Variants in PDC observed in about 807,000 individuals in gnomAD.
The protein encoded by PDC is 33 kDa phototransducing protein.
Under a neutral mutation model 22.2 loss-of-function variants are expected in PDC, and 19 were observed. The ratio of observed to expected loss-of-function variants is 0.86; its 90% CI spans 0.60 to 1.26. The LOEUF (loss-of-function observed/expected upper bound fraction) is 1.26, where lower values mean the gene tolerates loss of function less well. Ranked by LOEUF, PDC falls within the 50% of genes most tolerant of loss-of-function variation. PDC has a pLI of 0.00. For missense variants in PDC, 274 were observed against 286.8 expected (o/e 0.96, Z 0.32); for synonymous variants, 97 against 96.2 (o/e 1.01, Z -0.05).
At position 186,450,710 on chromosome 1, in the gene PDC, G is replaced by A. The variant is rs550756146; in HGVS notation, c.-24-1227C>T. On this transcript the variant is annotated intron_variant, in intron 1 of 3. Transcript: ENST00000391997. ...ATTTTTATTCATACGAAACTCCTTG[G>A]TGCCCGCATGTAGAATCTATTCTTT... Among the ~76,000 whole-genome samples, 3 of 152,076 alleles carry A rather than the reference G, an allele frequency of 2.0e-5. No individual in the cohort carries two copies. In the South Asian group the frequency reaches 6.2e-4, roughly 32 times the overall value.
intron 1 of PDC, among the ~76,000 whole-genome samples, chr1:186,456,473 C>T (rs1180643775): frequency 6.6e-6 from 1 of 152,088 alleles, no homozygotes; most frequent in Non-Finnish European, 1.5e-5. Flanking sequence ...ATACTGGTCT[C>T]CCCAAGTACA....
intron 3 of PDC, among the ~76,000 whole-genome samples, chr1:186,446,066 T>C (rs1159396657): frequency 2.6e-5 from 4 of 152,236 alleles, no homozygotes; most frequent in African/African-American, 9.6e-5. Flanking sequence ...GTGTTACATT[T>C]GTGTAGTATT....
chr1:186,443,970 A>G lies in PDC; in HGVS notation c.*9T>C. 1 of 1,585,728 alleles carries G rather than the reference A, an allele frequency of 6.3e-7. No individual in the cohort carries two copies. Among genetic ancestry groups the G allele is most frequent in the Non-Finnish European group, 8.6e-7 (1 of 1,157,160 alleles). ...AAGGATAAACATGAGATATTGACAT[A>G]GTGAATCTTCATTCAACATCTTCTT... On this transcript the variant is annotated 3_prime_UTR_variant, in exon 4 of 4. Coordinates refer to ENST00000391997, the MANE Select transcript of PDC (RefSeq NM_002597.5).
chr1:186,457,407 T>G (rs1195568029), intron 1 of PDC, among the ~76,000 whole-genome samples: 1 of 152,094 alleles, frequency 6.6e-6, no homozygotes, highest in African/African-American at 2.4e-5. Context: ...AACAATTAAT[T>G]TCTTGAATTA....
intron 1 of PDC, among the ~76,000 whole-genome samples, chr1:186,457,398 A>C (rs1183765209): frequency 6.6e-6 from 1 of 152,168 alleles, no homozygotes. Context: ...ATGCCTCATA[A>C]CAATTAATTT....
intron 1 of PDC, chr1:186,451,332 A>G (rs1455619612): frequency 1.3e-5 from 2 of 152,262 alleles, no homozygotes; most frequent in Non-Finnish European, 2.9e-5. Flanking sequence ...ATTAAAAAGC[A>G]TAATGGAAAA....
At chr1:186,452,930 T>A (rs1448099204) in intron 1 of PDC, among the ~76,000 whole-genome samples, 3 of 152,238 alleles carry the variant, frequency 2.0e-5, no homozygotes, top group Admixed American at 6.5e-5. Flanking sequence ...TGTACTTTTT[T>A]ATTTTAAATA....
At chr1:186,460,707 A>G (rs566013176) in intron 1 of PDC, among the ~76,000 whole-genome samples, 3 of 152,202 alleles carry the variant, frequency 2.0e-5, no homozygotes, top group African/African-American at 4.8e-5. Flanking sequence ...ATCTTCAAAC[A>G]TAAAGTGCAA....
intron 1 of PDC, chr1:186,451,213 G>A (rs1463267186): frequency 1.3e-5 from 2 of 152,058 alleles, no homozygotes; most frequent in Non-Finnish European, 2.9e-5. Context: ...GCCAATTTGA[G>A]TTTTTCCACT....
intron 1 of PDC, among the ~76,000 whole-genome samples, chr1:186,453,909 C>G (rs988444064): frequency 6.6e-6 from 1 of 152,120 alleles, no homozygotes; most frequent in Non-Finnish European, 1.5e-5. Flanking sequence ...TCTCAAATCT[C>G]CAAAATTTCT....
intron 1 of PDC, among the ~76,000 whole-genome samples, chr1:186,454,173 T>TC (rs1662407308): frequency 7.4e-6 from 1 of 134,246 alleles, no homozygotes; most frequent in Non-Finnish European, 1.5e-5. Context: ...TCTTTCTTTT[T>TC]TTTTTTTTTT....
Position 186,461,059 on chromosome 1 carries a change from A to G in PDC, c.-25T>C, listed in dbSNP as rs776311900. ...TCAAAAGGACTACTTGTGGACTCAC[A>G]GTTTGGATCTCTGTGCCTGGTGTCC... On this transcript the variant is annotated splice_region_variant and 5_prime_UTR_variant, in exon 1 of 4. Transcript: ENST00000391997. The G allele has an allele frequency of 1.3e-5, 2 of 154,806 alleles. No homozygotes were observed. Among genetic ancestry groups the G allele is most frequent in the Admixed American group, 6.5e-5 (1 of 15,290 alleles). The allele number at this position is 154,806 out of a possible 1,614,324, so 9.6% of individuals were successfully genotyped here. A position where few individuals can be genotyped will look rare whatever the true frequency, so the allele number is the denominator to read the frequency against.
At chr1:186,456,727 C>T (rs1371032301) in intron 1 of PDC, among the ~76,000 whole-genome samples, 1 of 152,130 alleles carries the variant, frequency 6.6e-6, no homozygotes, top group East Asian at 1.9e-4. Context: ...GAAACTGTTT[C>T]AGAGAAGGTG....
intron 1 of PDC, among the ~76,000 whole-genome samples, chr1:186,460,659 G>T (rs1571729627): frequency 6.6e-6 from 1 of 152,092 alleles, no homozygotes; most frequent in Non-Finnish European, 1.5e-5. Flanking sequence ...CTTGGATAAG[G>T]GGCAACTACC....
At chr1:186,451,009 G>A (rs908296507) in intron 1 of PDC, 1 of 152,128 alleles carries the variant, frequency 6.6e-6, no homozygotes, top group Non-Finnish European at 1.5e-5. Context: ...ACTCATCTTA[G>A]TTTTCTATTG....
chr1:186,455,797 T>TAAAAAAAAAAAAAAAAAAAAA (rs71104862), intron 1 of PDC, among the ~76,000 whole-genome samples: 4 of 39,368 alleles, frequency 1.0e-4, no homozygotes, highest in Non-Finnish European at 4.5e-5. Context: ...CCGTCTCTAC[T>TAAAAAAAAAAAAAAAAAAAAA]AAAAAAAAAA....
At chr1:186,459,354 G>A (rs34218705) in intron 1 of PDC, among the ~76,000 whole-genome samples, 4 of 152,160 alleles carry the variant, frequency 2.6e-5, no homozygotes, top group South Asian at 2.1e-4. Flanking sequence ...TGGTGGAGAC[G>A]GGGTTTCGCT....
At chr1:186,447,225 C>T (rs1253887347) in intron 2 of PDC, among the ~76,000 whole-genome samples, 1 of 151,864 alleles carries the variant, frequency 6.6e-6, no homozygotes, top group Non-Finnish European at 1.5e-5. Context: ...TTTGGCTCAC[C>T]GCAACCTCCA....
rs1662462001 is a variant in PDC, at chr1:186,455,997, ATATATATATATAT to A, written c.-25+5049_-25+5061del. On this transcript the variant is annotated intron_variant, in intron 1 of 3. Transcript: ENST00000391997. The stretch of plus-strand genomic sequence containing the variant: ...AAAAAAAAAAAAAAAAAAAAAAAAT[ATATATATATATAT>A]ATATATATATATATATGCATGCCAG... 2.2e-4 allele frequency among the ~76,000 whole-genome samples: 15 copies of A among 67,654 alleles called. 1 individual carries two copies. Among genetic ancestry groups the A allele is most frequent in the Non-Finnish European group, 3.4e-4 (14 of 40,652 alleles). 44.4% of individuals were successfully genotyped at this position (67,654 alleles called of 152,430 possible).
Sources: gnomAD v4.1 joint callset for allele counts (sites outside exome capture counted in the v4.1 genomes callset) on GRCh38, gnomAD v4.1.1 for gene constraint, MANE v1.5 for transcripts, NCBI Gene and HGNC (gene_info 2026-07-23, HGNC 2026-07-21) for gene names.